The following UGGT2 variants were observed in gnomAD, a reference collection of about 807,000 sequenced individuals.
UGGT2 encodes UDP-glucose glycoprotein glucosyltransferase 2, also known as UDP-glucose:glycoprotein glucosyltransferase 2.
A neutral mutation model predicts 192.1 loss-of-function variants in UGGT2; 180 were observed. The observed-to-expected ratio is 0.94, with a 90% confidence interval of 0.83 to 1.06. The LOEUF is 1.06. UGGT2 is among the 50% of genes least tolerant of loss of function. UGGT2 has a pLI of 0.00. For synonymous variants in UGGT2, 580 were observed against 591.0 expected, an observed-to-expected ratio of 0.98 and a Z score of 0.27; for missense variants, 1,849 against 1,795.7, an observed-to-expected ratio of 1.03 and a Z score of -0.54.
intron 36 of UGGT2, among the ~76,000 whole-genome samples, chr13:95,838,008 A>C (rs1887491208): frequency 6.6e-6 from 1 of 152,214 alleles, no homozygotes; most frequent in African/African-American, 2.4e-5. Context: ...TGGGAAGGGA[A>C]AAAAACCTGT....
intron 1 of UGGT2, among the ~76,000 whole-genome samples, chr13:96,037,459 A>C (rs1316127598): frequency 6.6e-6 from 1 of 152,154 alleles, no homozygotes; most frequent in Non-Finnish European, 1.5e-5. Flanking sequence ...GGCCTCCCCA[A>C]GTGCTGGGAC....
intron 15 of UGGT2, among the ~76,000 whole-genome samples, chr13:95,940,390 A>G (rs1451889141): frequency 1.3e-5 from 2 of 149,880 alleles, no homozygotes; most frequent in Non-Finnish European, 3.0e-5. Flanking sequence ...TGTATAATAT[A>G]TTCTAATATG....
Position 96,053,137 on chromosome 13 carries a change from G to A in UGGT2, c.158+18C>T, listed in dbSNP as rs1357844489. The A allele has an allele frequency of 2.0e-6, 3 of 1,484,276 alleles. No homozygotes were observed. The highest frequency in any genetic ancestry group is 2.7e-6 in the Non-Finnish European group (3 of 1,119,740). 91.9% of individuals were successfully genotyped at this position (1,484,276 alleles called of 1,614,324 possible). On this transcript the variant is annotated intron_variant, in intron 1 of 38. Transcript: ENST00000376747. ...GCGCGCCCACACCCGCCCGGACGAG[G>A]GCCCGGCCCGCACCCACCTTGCCTC...
intron 27 of UGGT2, among the ~76,000 whole-genome samples, chr13:95,881,469 G>C (rs2047493167): frequency 6.6e-6 from 1 of 152,128 alleles, no homozygotes; most frequent in African/African-American, 2.4e-5. Context: ...TATGCACTGA[G>C]AGAATAAACT....
At chr13:95,958,869 A>G (rs1457530073) in intron 12 of UGGT2, among the ~76,000 whole-genome samples, 1 of 152,196 alleles carries the variant, frequency 6.6e-6, no homozygotes, top group Non-Finnish European at 1.5e-5. Flanking sequence ...GACCCTCAGC[A>G]GTCCACGTTT....
At chr13:95,989,532 G>C (rs566000409) in intron 8 of UGGT2, 32 of 389,756 alleles carry the variant, frequency 8.2e-5, no homozygotes, top group South Asian at 5.5e-4. Flanking sequence ...TTGTAAAACT[G>C]CATGTCCTCC....
chr13:95,814,151 TC>T (rs1402649889), intron 38 of UGGT2, among the ~76,000 whole-genome samples: 2 of 151,502 alleles, frequency 1.3e-5, no homozygotes, highest in East Asian at 1.9e-4. Flanking sequence ...CCACAGAGAG[TC>T]CCCACTGGGG....
At chr13:95,973,987 C>G (rs1028213763) in intron 10 of UGGT2, among the ~76,000 whole-genome samples, 1 of 152,128 alleles carries the variant, frequency 6.6e-6, no homozygotes, top group Non-Finnish European at 1.5e-5. Context: ...ATTTCAACAT[C>G]ATATGATAAG....
rs372089357 is a variant in UGGT2 at position 95,902,836 on chromosome 13, T to C, written c.2502+18A>G. 11 of 1,604,010 alleles carry C rather than the reference T, an allele frequency of 6.9e-6. No individual in the cohort carries two copies. The highest frequency in any genetic ancestry group is 9.4e-6 in the Non-Finnish European group (11 of 1,174,872). ...ATATGCAATACATACATATTTAATA[T>C]TTCAAATAGCTACTGACCTCAATAA... On this transcript the variant is annotated intron_variant, in intron 21 of 38. Transcript: ENST00000376747.
At chr13:95,884,084 A>AAAAAC (rs760204523) in intron 27 of UGGT2, among the ~76,000 whole-genome samples, 4,748 of 130,858 alleles carry the variant, frequency 0.036, 140 homozygotes, top group Non-Finnish European at 0.053. Context: ...AAAAAAAAAA[A>AAAAAC]AACCAACAAC....
intron 5 of UGGT2, among the ~76,000 whole-genome samples, chr13:96,004,986 C>T (rs1362589347): frequency 1.3e-5 from 2 of 151,996 alleles, no homozygotes; most frequent in African/African-American, 2.4e-5. Flanking sequence ...TAAAAGAACA[C>T]TCCAATTGGT....
At chr13:95,811,748 A>C (rs1161288545) in intron 38 of UGGT2, among the ~76,000 whole-genome samples, 1 of 152,202 alleles carries the variant, frequency 6.6e-6, no homozygotes, top group Non-Finnish European at 1.5e-5. Context: ...AAACAGAAGT[A>C]TAAGGTTGCA....
chr13:95,834,449 C>G (rs1417420988), intron 37 of UGGT2, among the ~76,000 whole-genome samples: 1 of 152,088 alleles, frequency 6.6e-6, no homozygotes, highest in Non-Finnish European at 1.5e-5. Flanking sequence ...ATTCTCCACT[C>G]CTCAATGCCA....
intron 1 of UGGT2, among the ~76,000 whole-genome samples, chr13:96,042,483 ACTCG>A (rs2053193572): frequency 6.6e-6 from 1 of 151,874 alleles, no homozygotes; most frequent in Non-Finnish European, 1.5e-5. Context: ...AAAAAATCAC[ACTCG>A]CTCACCAGCA....
In UGGT2 at chr13:95,947,040, T is replaced by TAGTTTCTGC. The variant is rs746546996; in HGVS notation, c.1673_1674insGCAGAAACT (p.Val558_His559insGlnLysLeu). 7.5e-6 allele frequency: 12 copies of TAGTTTCTGC among 1,594,758 alleles called. No individual in the cohort carries two copies. Among genetic ancestry groups the TAGTTTCTGC allele is most frequent in the Admixed American group, 1.8e-5 (1 of 54,068 alleles). ...CACATTTAGTGCATAAACTCACGTG[T>TAGTTTCTGC]ACTATAGAAATAAATGCTTCTGATA... On this transcript the variant is annotated inframe_insertion, in exon 15 of 39. Coordinates refer to ENST00000376747, the MANE Select transcript of UGGT2 (RefSeq NM_020121.4).
intron 16 of UGGT2, among the ~76,000 whole-genome samples, chr13:95,938,514 G>A (rs1011051648): frequency 1.3e-5 from 2 of 152,108 alleles, no homozygotes; most frequent in Non-Finnish European, 2.9e-5. Context: ...ACAATGTTTT[G>A]GAAATGGAAT....
Position 95,854,293 on chromosome 13 carries a change from G to T in UGGT2, c.4169+22C>A. ...CAATACATTACTTATTTACTAAATG[G>T]TAAGGGTCTGACTTTTCTTACCTGA... On this transcript the variant is annotated intron_variant, in intron 35 of 38. Transcript: ENST00000376747. 4 of 1,596,632 alleles carry T rather than the reference G, an allele frequency of 2.5e-6. No homozygotes were observed. In the South Asian group the frequency reaches 3.4e-5, roughly 14 times the overall value.
At chr13:95,930,941 A>T (rs2049236502) in intron 17 of UGGT2, among the ~76,000 whole-genome samples, 1 of 152,210 alleles carries the variant, frequency 6.6e-6, no homozygotes. Context: ...AGCAGCAGAA[A>T]GATTTACTGC....
chr13:96,034,025 G>C (rs1409971491), intron 1 of UGGT2, among the ~76,000 whole-genome samples: 1 of 152,168 alleles, frequency 6.6e-6, no homozygotes, highest in Non-Finnish European at 1.5e-5. Flanking sequence ...AGAACGTACG[G>C]TGTTTTTGTC....
Sources: allele counts gnomAD v4.1 joint callset (sites outside exome capture counted in the v4.1 genomes callset), GRCh38; gene constraint gnomAD v4.1.1; transcripts MANE v1.5; gene names NCBI Gene and HGNC (gene_info 2026-07-23, HGNC 2026-07-21).